Variants in PTK2B observed in about 807,000 individuals in gnomAD.
The protein encoded by PTK2B is protein tyrosine kinase 2 beta, also known as protein-tyrosine kinase 2-beta.
PTK2B carries 71 observed loss-of-function variants against 142.9 expected under a neutral mutation model. The ratio of observed to expected loss-of-function variants is 0.50; its 90% CI spans 0.41 to 0.61. The LOEUF (loss-of-function observed/expected upper bound fraction) is 0.61. Among genes scored for constraint, PTK2B ranks in the 20% least tolerant of loss-of-function variants. The pLI, the probability that PTK2B is intolerant of heterozygous loss-of-function variation, is 0.00. For missense variants in PTK2B, 1,105 were observed against 1,320.4 expected (o/e 0.84, Z 2.53); for synonymous variants, 519 against 503.4 (o/e 1.03, Z -0.42).
chr8:27,438,776 C>T (rs553339615), intron 18 of PTK2B, among the ~76,000 whole-genome samples: 3 of 152,244 alleles, frequency 2.0e-5, no homozygotes, highest in African/African-American at 7.2e-5. Flanking sequence ...AGCCCAACAG[C>T]AAGAGGGAAG....
intron 1 of PTK2B, among the ~76,000 whole-genome samples, chr8:27,392,503 A>C (rs903312399): frequency 4.6e-5 from 7 of 152,118 alleles, no homozygotes; most frequent in African/African-American, 7.2e-5. Context: ...CCACCCTTCT[A>C]TGAGGAAAAC....
chr8:27,347,851 C>T (rs1282019622), intron 1 of PTK2B, among the ~76,000 whole-genome samples: 2 of 152,214 alleles, frequency 1.3e-5, no homozygotes, highest in Admixed American at 1.3e-4. Context: ...ACCTCTCATG[C>T]ATTTGACCCC....
rs117302961 is a variant in PTK2B, at chr8:27,331,541, C to T, written c.-38+5860C>T. Among the ~76,000 whole-genome samples the T allele has an allele frequency of 1.0e-3, 155 of 152,222 alleles. 2 individuals carry two copies. The East Asian group carries it at 0.029, about 29-fold the overall frequency. On this transcript the variant is annotated intron_variant, in intron 1 of 30. Transcript: ENST00000346049. ...AGCCAAGACTACAGGCACATGCCAC[C>T]ACACCTGGCTTATTTTCTTTCTACA...
Position 27,439,014 on chromosome 8 carries a change from T to G in PTK2B, c.1644-17T>G. The G allele has an allele frequency of 6.2e-7, 1 of 1,605,012 alleles. No homozygotes were observed. On this transcript the variant is annotated splice_polypyrimidine_tract_variant and intron_variant, in intron 18 of 30. Coordinates refer to ENST00000346049, the MANE Select transcript of PTK2B (RefSeq NM_173176.3). ...GGTGGGCAGTGCCTCATCCTGGTCT[T>G]GATGCCCTTCTTCCAGGGACATTGC... is the stretch of plus-strand genomic sequence containing the variant.
At chr8:27,431,236 A>G (rs1810398345) in intron 8 of PTK2B, 162 bp from the exon 9 acceptor site, 5 of 1,506,920 alleles carry the variant, frequency 3.3e-6, no homozygotes, top group Non-Finnish European at 4.5e-6. Context: ...AGGACAGGCA[A>G]GGTGTCAGGA....
intron 1 of PTK2B, among the ~76,000 whole-genome samples, chr8:27,374,361 T>C (rs1288792463): frequency 6.6e-6 from 1 of 152,226 alleles, no homozygotes; most frequent in Non-Finnish European, 1.5e-5. Context: ...ATGACTGTCA[T>C]GAAGGAAGAA....
At chr8:27,423,638 G>T (rs1314127955) in intron 5 of PTK2B, among the ~76,000 whole-genome samples, 4 of 152,104 alleles carry the variant, frequency 2.6e-5, no homozygotes, top group African/African-American at 9.7e-5. Flanking sequence ...GTGACCTCAT[G>T]GTTAATAGAG....
At chr8:27,451,352 C>A in intron 26 of PTK2B, 133 bp from the exon 27 acceptor site, 1 of 1,442,140 alleles carries the variant, frequency 6.9e-7, no homozygotes, top group Non-Finnish European at 9.3e-7. Context: ...GAGCTGCTCC[C>A]AGAAGCACCC....
At chr8:27,377,395 C>T (rs752605413) in intron 1 of PTK2B, among the ~76,000 whole-genome samples, 6 of 152,156 alleles carry the variant, frequency 3.9e-5, no homozygotes, top group Non-Finnish European at 8.8e-5. Flanking sequence ...TTTATGGGCA[C>T]GTACACTGAG....
chr8:27,350,253 C>T (rs1235897000), intron 1 of PTK2B, among the ~76,000 whole-genome samples: 2 of 152,136 alleles, frequency 1.3e-5, no homozygotes, highest in African/African-American at 4.8e-5. Flanking sequence ...AAAGGCGTAA[C>T]GTAAGTCACA....
intron 3 of PTK2B, among the ~76,000 whole-genome samples, chr8:27,313,914 C>G (rs1029881091): frequency 2.0e-5 from 3 of 152,216 alleles, no homozygotes; most frequent in Non-Finnish European, 4.4e-5. Flanking sequence ...GTCTCTCTCC[C>G]TCTCTCTGGC....
chr8:27,420,163 T>A, intron 3 of PTK2B, 90 bp downstream of exon 3: 1 of 1,460,770 alleles, frequency 6.8e-7, no homozygotes, highest in Non-Finnish European at 9.4e-7. Context: ...AGCACTCCCC[T>A]GCCTCAGAAA....
At position 27,445,841 on chromosome 8, in the gene PTK2B, G is replaced by T. The variant is rs1811437707; in HGVS notation, c.2262G>T (p.Met754Ile). Residue 754 changes from methionine to isoleucine, a missense_variant, in exon 24 of 31, where the codon ATG becomes ATT. By Grantham distance (10) the Met-to-Ile change is conservative (BLOSUM62 1). Coordinates refer to ENST00000346049, the MANE Select transcript of PTK2B (RefSeq NM_173176.3). ...CASSPTLTSP[M>I]EYPSPVNSLH... ...GCTCTCCTACGCTCACCAGCCCTAT[G>T]GAGTATCCATCTCCCGTTAACTCAC... 6.2e-7 allele frequency: 1 copy of T among 1,614,076 alleles called. No individual in the cohort carries two copies. Among genetic ancestry groups the T allele is most frequent in the Non-Finnish European group, 8.5e-7 (1 of 1,180,026 alleles).
At chr8:27,361,145 A>G (rs556461322) in intron 1 of PTK2B, among the ~76,000 whole-genome samples, 220 of 152,244 alleles carry the variant, frequency 1.4e-3, no homozygotes, top group Non-Finnish European at 2.5e-3. Context: ...TCCAATGTCT[A>G]TTATTCCACA....
intron 13 of PTK2B, among the ~76,000 whole-genome samples, chr8:27,434,998 CA>C (rs371261605): frequency 5.1e-4 from 73 of 142,410 alleles, no homozygotes; most frequent in African/African-American, 5.9e-4. Context: ...GACTCCATCT[CA>C]AAAAAAAAAA....
Position 27,458,447 on chromosome 8 carries a change from C to T in PTK2B, c.2968C>T (p.Leu990=), listed in dbSNP as rs1812291723. ...CACCCTGGCTGTGGACGCCAAGAAC[C>T]TGCTCGACGCTGTGGACCAGGCCAA... The part of the protein sequence containing the change: ...SHTLAVDAKN[L]LDAVDQAKVL... Residue 990 remains leucine, a synonymous_variant, in exon 31 of 31, where the codon CTG becomes TTG. Transcript: ENST00000346049. The T allele has an allele frequency of 6.2e-7, 1 of 1,605,284 alleles. No homozygotes were observed. The highest frequency in any genetic ancestry group is 8.5e-7 in the Non-Finnish European group (1 of 1,175,956).
chr8:27,440,201 C>G (rs1377013475), intron 20 of PTK2B, 36 bp from the exon 21 acceptor site: 1 of 1,604,760 alleles, frequency 6.2e-7, no homozygotes, highest in East Asian at 2.2e-5. Context: ...GGACTGGTCT[C>G]CCCCACCCAG....
chr8:27,407,480 C>A (rs1808793208), intron 2 of PTK2B, among the ~76,000 whole-genome samples: 1 of 152,318 alleles, frequency 6.6e-6, no homozygotes, highest in Middle Eastern at 3.4e-3. Flanking sequence ...GGCTCCTTGA[C>A]TGCACTTCAC....
rs1304767805 is a variant in PTK2B at position 27,433,421 on chromosome 8, T to C, written c.988-14T>C. 1 of 1,608,626 alleles carries C rather than the reference T, an allele frequency of 6.2e-7. No homozygotes were observed. Among genetic ancestry groups the C allele is most frequent in the South Asian group, 1.1e-5 (1 of 90,922 alleles). On this transcript the variant is annotated splice_polypyrimidine_tract_variant and intron_variant, in intron 10 of 30. Transcript: ENST00000346049. ...GCTCTGGGGTCTCACCCTTGGCTGG[T>C]CTCTGCTCCGCAGGCCTTGTCCATC...
Sources: allele counts gnomAD v4.1 joint callset (sites outside exome capture counted in the v4.1 genomes callset), GRCh38; gene constraint gnomAD v4.1.1; transcripts MANE v1.5; gene names NCBI Gene and HGNC (gene_info 2026-07-23, HGNC 2026-07-21).